PAPPA2: variants seen among roughly 807,000 people sequenced by gnomAD.
PAPPA2 encodes the protein pappalysin 2.
PAPPA2 carries 86 observed loss-of-function variants against 176.4 expected under a neutral mutation model. That is an observed-to-expected ratio of 0.49 (90% CI 0.41 to 0.58). PAPPA2 has a LOEUF of 0.58. Among genes scored for constraint, PAPPA2 ranks in the 20% least tolerant of loss-of-function variants. The pLI, the probability that PAPPA2 is intolerant of heterozygous loss-of-function variation, is 0.00. For synonymous variants in PAPPA2, 809 were observed against 852.2 expected, an observed-to-expected ratio of 0.95 and a Z score of 0.88; for missense variants, 2,073 against 2,256.9, an observed-to-expected ratio of 0.92 and a Z score of 1.65.
At chr1:176,594,319 A>C (rs779085016) in intron 2 of PAPPA2, among the ~76,000 whole-genome samples, 1 of 152,240 alleles carries the variant, frequency 6.6e-6, no homozygotes, top group Non-Finnish European at 1.5e-5. Flanking sequence ...GGAATCTCAA[A>C]TCATTCCTTT....
intron 12 of PAPPA2, among the ~76,000 whole-genome samples, chr1:176,728,037 A>G (rs1054511459): frequency 2.6e-5 from 4 of 152,032 alleles, no homozygotes; most frequent in South Asian, 2.1e-4. Flanking sequence ...TAAAATGCCT[A>G]TATTTAGGAA....
At chr1:176,665,597 A>G (rs1014443618) in intron 3 of PAPPA2, among the ~76,000 whole-genome samples, 1 of 152,148 alleles carries the variant, frequency 6.6e-6, no homozygotes, top group Non-Finnish European at 1.5e-5. Context: ...AATTTTTTTT[A>G]TGAAGTTTAG....
intron 4 of PAPPA2, among the ~76,000 whole-genome samples, chr1:176,683,912 A>G (rs937379772): frequency 6.6e-6 from 1 of 152,174 alleles, no homozygotes; most frequent in Non-Finnish European, 1.5e-5. Flanking sequence ...TATTGGACCC[A>G]CTACCATCTA....
intron 15 of PAPPA2, among the ~76,000 whole-genome samples, chr1:176,768,971 A>C (rs1571300189): frequency 6.6e-6 from 1 of 152,352 alleles, no homozygotes; most frequent in South Asian, 2.1e-4. Context: ...AATTTAATCA[A>C]GAGACCACTC....
At chr1:176,465,473 G>T (rs1651574836) in intron 1 of PAPPA2, among the ~76,000 whole-genome samples, 1 of 152,108 alleles carries the variant, frequency 6.6e-6, no homozygotes, top group Non-Finnish European at 1.5e-5. Context: ...TGTTAGATTA[G>T]ACGCATTTTT....
intron 3 of PAPPA2, among the ~76,000 whole-genome samples, chr1:176,624,652 A>G (rs1327643488): frequency 6.6e-6 from 1 of 152,078 alleles, no homozygotes; most frequent in Middle Eastern, 3.2e-3. Context: ...TCCTGCTGGA[A>G]TACTGTTTTT....
chr1:176,786,974 A>ACT (rs1363837766), intron 17 of PAPPA2, among the ~76,000 whole-genome samples: 1 of 152,162 alleles, frequency 6.6e-6, no homozygotes, highest in Non-Finnish European at 1.5e-5. Flanking sequence ...CCTACAGGAT[A>ACT]CTATGCTTAT....
intron 3 of PAPPA2, among the ~76,000 whole-genome samples, chr1:176,637,601 A>G (rs1480875237): frequency 1.3e-5 from 2 of 152,170 alleles, no homozygotes; most frequent in Non-Finnish European, 2.9e-5. Context: ...AAGTGGGCCT[A>G]TAATCCTCAA....
At chr1:176,548,756 T>C (rs1475995572) in intron 1 of PAPPA2, among the ~76,000 whole-genome samples, 5 of 152,182 alleles carry the variant, frequency 3.3e-5, no homozygotes, top group South Asian at 2.1e-4. Flanking sequence ...TAGATTTACA[T>C]TGATGCTACA....
intron 3 of PAPPA2, among the ~76,000 whole-genome samples, chr1:176,634,607 A>G (rs1656553272): frequency 6.6e-6 from 1 of 151,210 alleles, no homozygotes; most frequent in Non-Finnish European, 1.5e-5. Context: ...TATATATATA[A>G]AATAAAAAAA....
rs539476332 is a variant in PAPPA2 at position 176,629,385 on chromosome 1, G to T, written c.1991+33790G>T. Among the ~76,000 whole-genome samples, 5 of 152,350 alleles carry T rather than the reference G, an allele frequency of 3.3e-5. No homozygotes were observed. In the East Asian group the frequency reaches 7.7e-4, roughly 24 times the overall value. On this transcript the variant is annotated intron_variant, in intron 3 of 22. Transcript: ENST00000367662. The stretch of plus-strand genomic sequence containing the variant: ...AATTTGGTATTTATGTATGAGGTCT[G>T]TGGAAGTCCAAACATGCAGGTTGGC...
At chr1:176,528,656 T>A (rs185890217) in intron 1 of PAPPA2, among the ~76,000 whole-genome samples, 1 of 152,340 alleles carries the variant, frequency 6.6e-6, no homozygotes, top group East Asian at 1.9e-4. Flanking sequence ...TTGATTTACA[T>A]ACGGCACCAA....
chr1:176,589,514 T>C (rs1653525286), intron 2 of PAPPA2, among the ~76,000 whole-genome samples: 1 of 152,204 alleles, frequency 6.6e-6, no homozygotes, highest in Admixed American at 6.5e-5. Flanking sequence ...ATGGAAGCCA[T>C]TTGAGAAAAT....
intron 17 of PAPPA2, among the ~76,000 whole-genome samples, chr1:176,773,985 A>G (rs971363464): frequency 3.9e-5 from 6 of 152,136 alleles, no homozygotes; most frequent in African/African-American, 1.4e-4. Context: ...ATAAAGACAG[A>G]CACATAAATA....
intron 14 of PAPPA2, among the ~76,000 whole-genome samples, chr1:176,759,735 G>C (rs763707734): frequency 2.0e-5 from 3 of 152,164 alleles, no homozygotes; most frequent in East Asian, 1.9e-4. Flanking sequence ...AGAGGTGCCT[G>C]GTTTGGCATT....
chr1:176,812,712 ATACT>A (rs1412691387), intron 21 of PAPPA2, among the ~76,000 whole-genome samples: 2 of 152,266 alleles, frequency 1.3e-5, no homozygotes, highest in South Asian at 2.1e-4. Context: ...ATTTTATTAA[ATACT>A]TATTTATTAC....
chr1:176,768,309 TCTC>T (rs1051377893), intron 15 of PAPPA2, among the ~76,000 whole-genome samples: 2 of 152,082 alleles, frequency 1.3e-5, no homozygotes, highest in Non-Finnish European at 2.9e-5. Flanking sequence ...CTGTGGAACT[TCTC>T]CTACATGCTC....
chr1:176,602,157 G>A (rs532554148), intron 3 of PAPPA2, among the ~76,000 whole-genome samples: 4 of 152,242 alleles, frequency 2.6e-5, no homozygotes, highest in Non-Finnish European at 2.9e-5. Flanking sequence ...CCTGTGATGG[G>A]CTAATTTCTG....
At chr1:176,611,960 A>G (rs1200508697) in intron 3 of PAPPA2, among the ~76,000 whole-genome samples, 1 of 152,240 alleles carries the variant, frequency 6.6e-6, no homozygotes, top group Non-Finnish European at 1.5e-5. Flanking sequence ...GGTTGCTGAA[A>G]TAAGTATCCA....
Sources: allele counts gnomAD v4.1 joint callset (sites outside exome capture counted in the v4.1 genomes callset), GRCh38; gene constraint gnomAD v4.1.1; transcripts MANE v1.5; gene names NCBI Gene and HGNC (gene_info 2026-07-23, HGNC 2026-07-21).